The following TEKT5 variants were observed in gnomAD, a reference collection of about 807,000 sequenced individuals.
The protein encoded by TEKT5 is tektin 5, also known as tektin-5.
Under a neutral mutation model 48.7 loss-of-function variants are expected in TEKT5, and 52 were observed. The ratio of observed to expected loss-of-function variants is 1.07; its 90% confidence interval spans 0.86 to 1.35. The LOEUF (loss-of-function observed/expected upper bound fraction) is 1.35. TEKT5 is among the 40% of genes most tolerant of loss of function. TEKT5 has a pLI of 0.00. For missense variants in TEKT5, 831 were observed against 641.6 expected (o/e 1.30, Z -3.19); for synonymous variants, 318 against 267.6 (o/e 1.19, Z -1.84).
chr16:10,682,044 T>C lies in TEKT5; in HGVS notation c.812A>G (p.Asn271Ser), dbSNP rs1456896365. The change falls in exon 4 of 7, where the codon AAT (asparagine) becomes AGT (serine). Residue 271 changes from asparagine (N) to serine (S), a missense_variant. Asn to Ser is a conservative substitution (Grantham distance 46, BLOSUM62 1). Transcript: ENST00000283025. ...CIDEKCFNLRNTSDCISFFHG... is the reference protein window; with the variant it reads ...CIDEKCFNLRSTSDCISFFHG... ...GAAGAAGCTGATGCAGTCTGACGTATTTCTCAGGTTAAAGCACTTCTCATC... is the reference window on the plus strand; with the variant it reads ...GAAGAAGCTGATGCAGTCTGACGTACTTCTCAGGTTAAAGCACTTCTCATC... 2 of 1,614,076 alleles carry C rather than the reference T, an allele frequency of 1.2e-6. No homozygotes were observed. The highest frequency in any genetic ancestry group is 1.7e-6 in the Non-Finnish European group (2 of 1,180,024).
At chr16:10,681,595 A>ATT (rs35402400) in intron 4 of TEKT5, among the ~76,000 whole-genome samples, 2,003 of 142,828 alleles carry the variant, frequency 0.014, 49 homozygotes, top group African/African-American at 0.048. Flanking sequence ...TTGTTTCGGA[A>ATT]TTTTTTTTTT....
chr16:10,660,675 GTGTGTGT>G (rs1898352339), intron 5 of TEKT5, among the ~76,000 whole-genome samples: 1 of 84,472 alleles, frequency 1.2e-5, no homozygotes, highest in Non-Finnish European at 3.3e-5. Flanking sequence ...GTGTGTGTGT[GTGTGTGT>G]GTGTGTGTGT....
At chr16:10,635,109 G>A (rs1897895097) in intron 6 of TEKT5, among the ~76,000 whole-genome samples, 1 of 152,020 alleles carries the variant, frequency 6.6e-6, no homozygotes, top group South Asian at 2.1e-4. Context: ...GCACGTTCAT[G>A]GGAAATAATC....
rs1180929542 is a variant in TEKT5 at position 10,627,636 on chromosome 16, T to C, written c.1405A>G (p.Met469Val). Residue 469 changes from methionine (M) to valine (V), a missense_variant, in exon 7 of 7, where the codon ATG (methionine) becomes GTG (valine). Met to Val is a conservative substitution (Grantham distance 21). Coordinates refer to ENST00000283025, the MANE Select transcript of TEKT5 (RefSeq NM_144674.2). ...NTLCIDKEKC[M>V]GMRKTFPCTP... ...CAGGGGAAGGTCTTACGCATGCCCA[T>C]GCACTTCTCCTTGTCGATGCAGAGG... The C allele has an allele frequency of 3.1e-6, 5 of 1,614,094 alleles. No individual in the cohort carries two copies. The African/African-American group carries it at 4.0e-5, about 13-fold the overall frequency.
intron 3 of TEKT5, among the ~76,000 whole-genome samples, chr16:10,686,215 G>A (rs1194372243): frequency 6.6e-6 from 1 of 152,150 alleles, no homozygotes; most frequent in African/African-American, 2.4e-5. Flanking sequence ...TTCAACAAAT[G>A]GTATTGATAC....
At chr16:10,652,548 C>G (rs1279446199) in intron 5 of TEKT5, among the ~76,000 whole-genome samples, 2 of 140,316 alleles carry the variant, frequency 1.4e-5, no homozygotes, top group African/African-American at 5.4e-5. Flanking sequence ...CATACACACA[C>G]ACACACACAC....
At position 10,627,766 on chromosome 16, in the gene TEKT5, G is replaced by T. The variant is rs200342976; in HGVS notation, c.1275C>A (p.Thr425=). 1 of 1,614,194 alleles carries T rather than the reference G, an allele frequency of 6.2e-7. No homozygotes were observed. The highest frequency in any genetic ancestry group is 8.5e-7 in the Non-Finnish European group (1 of 1,180,050). ...LVNEVFTIDD[T]LQTLKLRLRE... ...GCAGCCGCAGCTTGAGGGTCTGCAG[G>T]GTGTCGTCGATGGTGAACACCTCGT... The change falls in exon 7 of 7, where the codon ACC becomes ACA. Residue 425 remains threonine (T), a synonymous_variant. Transcript: ENST00000283025.
At chr16:10,679,905 T>A (rs957816547) in intron 4 of TEKT5, among the ~76,000 whole-genome samples, 4 of 150,236 alleles carry the variant, frequency 2.7e-5, no homozygotes, top group African/African-American at 1.0e-4. Context: ...CTCAAATAAA[T>A]AAATAAATAA....
rs35713504 is a variant in TEKT5 at position 10,689,521 on chromosome 16, CTTTTTTTTT to C, written c.649-207_649-199del. 2.8e-5 allele frequency among the ~76,000 whole-genome samples: 3 copies of C among 105,542 alleles called. No homozygotes were observed. In the East Asian group the frequency reaches 8.4e-4, roughly 30 times the overall value. The allele number at this position is 105,542 out of a possible 152,430, so 69.2% of individuals were successfully genotyped here. On this transcript the variant is annotated intron_variant, in intron 2 of 6. Transcript: ENST00000283025. ...TAAGGGTTGATTGTGGAGGCTCCAC[CTTTTTTTTT>C]TTTTTTTTTTTTGCCCTACTTTCTT...
chr16:10,688,439 C>G (rs1200789499), intron 3 of TEKT5, among the ~76,000 whole-genome samples: 3 of 152,222 alleles, frequency 2.0e-5, no homozygotes, highest in African/African-American at 7.2e-5. Context: ...GGTGCCCGCC[C>G]CCCCTGCATC....
At chr16:10,634,733 G>A (rs988262302) in intron 6 of TEKT5, among the ~76,000 whole-genome samples, 1 of 152,130 alleles carries the variant, frequency 6.6e-6, no homozygotes, top group Non-Finnish European at 1.5e-5. Context: ...CTTTGTTGAA[G>A]CAAGCCACCA....
At chr16:10,632,022 G>T (rs1897847594) in intron 6 of TEKT5, among the ~76,000 whole-genome samples, 1 of 152,208 alleles carries the variant, frequency 6.6e-6, no homozygotes, top group African/African-American at 2.4e-5. Context: ...CTGGGGAGAA[G>T]AGACAGTGAA....
intron 6 of TEKT5, among the ~76,000 whole-genome samples, chr16:10,630,619 C>A (rs1435311439): frequency 1.3e-5 from 2 of 152,188 alleles, no homozygotes; most frequent in African/African-American, 4.8e-5. Flanking sequence ...ATGGAAAGAT[C>A]TATATCTGCA....
intron 5 of TEKT5, among the ~76,000 whole-genome samples, chr16:10,639,454 ACTATACCTAAAAGAC>A (rs151248169): frequency 0.022 from 3,421 of 152,308 alleles, 130 homozygotes; most frequent in African/African-American, 0.079. Context: ...TGGTATCACC[ACTATACCTAAAAGAC>A]CTATACCTAT....
At chr16:10,680,033 G>C (rs1446861603) in intron 4 of TEKT5, among the ~76,000 whole-genome samples, 1 of 152,236 alleles carries the variant, frequency 6.6e-6, no homozygotes, top group African/African-American at 2.4e-5. Context: ...ACTTTAAGGA[G>C]CAGGTCCCTC....
At chr16:10,661,888 T>A (rs1898377678) in intron 5 of TEKT5, among the ~76,000 whole-genome samples, 1 of 152,170 alleles carries the variant, frequency 6.6e-6, no homozygotes, top group African/African-American at 2.4e-5. Flanking sequence ...ACTTCCAGGA[T>A]GGATTTAGGT....
Position 10,675,999 on chromosome 16 carries a change from ACCT to A in TEKT5, c.1043_1045del (p.Glu348del), listed in dbSNP as rs1898637884. The A allele has an allele frequency of 8.1e-6, 13 of 1,614,196 alleles. No individual in the cohort carries two copies. Among genetic ancestry groups the A allele is most frequent in the Non-Finnish European group, 1.1e-5 (13 of 1,180,038 alleles). The stretch of plus-strand genomic sequence containing the variant: ...CTGCAGCTTATTCTTCACATCCGTC[ACCT>A]CAGAGATGCGGGCGTTGAAGGCCAG... On this transcript the variant is annotated inframe_deletion, in exon 5 of 7. Transcript: ENST00000283025.
intron 5 of TEKT5, among the ~76,000 whole-genome samples, chr16:10,674,615 C>CAAAA (rs1194913824): frequency 3.7e-5 from 1 of 27,286 alleles, no homozygotes; most frequent in Non-Finnish European, 5.5e-5. Flanking sequence ...AAGATCATCT[C>CAAAA]AGAAAAAAAA....
chr16:10,665,567 C>G (rs1004544369), intron 5 of TEKT5, among the ~76,000 whole-genome samples: 1 of 152,182 alleles, frequency 6.6e-6, no homozygotes, highest in Non-Finnish European at 1.5e-5. Flanking sequence ...TTGGCTCCAC[C>G]TTCCTGATTC....
Sources: allele counts gnomAD v4.1 joint callset (sites outside exome capture counted in the v4.1 genomes callset), GRCh38; gene constraint gnomAD v4.1.1; transcripts MANE v1.5; gene names NCBI Gene and HGNC (gene_info 2026-07-23, HGNC 2026-07-21).